ULK4: variants seen among roughly 807,000 people sequenced by gnomAD.
ULK4 encodes inactive serine/threonine-protein kinase ULK4.
In ULK4, 133 loss-of-function variants were observed where a neutral mutation model predicts 160.6. The observed-to-expected ratio is 0.83, with a 90% CI of 0.72 to 0.96. The LOEUF is 0.96. Among genes scored for constraint, ULK4 ranks in the 40% least tolerant of loss-of-function variants. The pLI is 0.00. For synonymous variants in ULK4, 534 were observed against 539.8 expected, an observed-to-expected ratio of 0.99 and a Z score of 0.15; for missense variants, 1,580 against 1,499.5, an observed-to-expected ratio of 1.05 and a Z score of -0.89.
chr3:41,865,937 T>C (rs1267771855), intron 17 of ULK4, among the ~76,000 whole-genome samples: 1 of 151,752 alleles, frequency 6.6e-6, no homozygotes, highest in African/African-American at 2.4e-5. Flanking sequence ...TTGGACTTCA[T>C]CAAAATTAAG....
chr3:41,930,713 T>G (rs567258902), intron 5 of ULK4, among the ~76,000 whole-genome samples: 3 of 152,244 alleles, frequency 2.0e-5, no homozygotes, highest in Admixed American at 6.5e-5. Context: ...ATAAGACATT[T>G]ATGCGGCCAA....
intron 32 of ULK4, among the ~76,000 whole-genome samples, chr3:41,544,046 T>G (rs796936461): frequency 1.3e-5 from 2 of 152,316 alleles, no homozygotes; most frequent in Non-Finnish European, 2.9e-5. Context: ...ATAGTTTGCC[T>G]TGCTTTTTTC....
chr3:41,517,666 T>C (rs763718749), intron 32 of ULK4, among the ~76,000 whole-genome samples: 6 of 152,210 alleles, frequency 3.9e-5, no homozygotes, highest in Non-Finnish European at 8.8e-5. Flanking sequence ...AATGGTGCCG[T>C]GACTAAAGCA....
intron 8 of ULK4, chr3:41,913,136 T>G: frequency 2.9e-6 from 1 of 340,482 alleles, no homozygotes; most frequent in South Asian, 9.5e-5. Flanking sequence ...TAACTAAGCA[T>G]TAGAAGTTTC....
At chr3:41,584,033 C>A (rs1369629249) in intron 31 of ULK4, among the ~76,000 whole-genome samples, 11 of 152,172 alleles carry the variant, frequency 7.2e-5, no homozygotes, top group Admixed American at 7.2e-4. Flanking sequence ...ACTGAAATCA[C>A]AATTCACTAA....
At chr3:41,858,811 C>CT (rs910234108) in intron 17 of ULK4, among the ~76,000 whole-genome samples, 1 of 145,070 alleles carries the variant, frequency 6.9e-6, no homozygotes, top group African/African-American at 2.6e-5. Flanking sequence ...GGCCCAAATT[C>CT]TTTTTTCCCC....
At chr3:41,898,727 C>T (rs1463561690) in intron 13 of ULK4, among the ~76,000 whole-genome samples, 1 of 152,146 alleles carries the variant, frequency 6.6e-6, no homozygotes, top group Non-Finnish European at 1.5e-5. Flanking sequence ...TCATAGAAAA[C>T]ATTCACTCCT....
At chr3:41,680,857 T>C (rs997864276) in intron 29 of ULK4, among the ~76,000 whole-genome samples, 12 of 152,218 alleles carry the variant, frequency 7.9e-5, no homozygotes, top group Non-Finnish European at 8.8e-5. Flanking sequence ...AATATTGACA[T>C]ATGGCATATA....
intron 34 of ULK4, among the ~76,000 whole-genome samples, chr3:41,401,122 A>G (rs1050888789): frequency 6.1e-4 from 65 of 106,734 alleles, no homozygotes; most frequent in Non-Finnish European, 8.9e-4. Flanking sequence ...TTTGAAGAGA[A>G]AAAAAAGTTA....
chr3:41,467,016 TATAA>T (rs1250247753), intron 32 of ULK4, among the ~76,000 whole-genome samples: 1 of 152,170 alleles, frequency 6.6e-6, no homozygotes, highest in Non-Finnish European at 1.5e-5. Context: ...CATACATACA[TATAA>T]ATAATTATAA....
At chr3:41,850,223 TG>T (rs2042176156) in intron 17 of ULK4, among the ~76,000 whole-genome samples, 1 of 152,214 alleles carries the variant, frequency 6.6e-6, no homozygotes, top group African/African-American at 2.4e-5. Flanking sequence ...GTGGGACATT[TG>T]GGTTGGTTCC....
intron 9 of ULK4, among the ~76,000 whole-genome samples, chr3:41,912,180 T>C (rs1279951745): frequency 6.6e-6 from 1 of 151,864 alleles, no homozygotes; most frequent in Non-Finnish European, 1.5e-5. Context: ...ATACAATAAA[T>C]AGCTGAGTGT....
In ULK4 at chr3:41,350,855, G is replaced by A. The variant is rs551111797; in HGVS notation, c.3678+47224C>T. Among the ~76,000 whole-genome samples, 8 of 152,274 alleles carry A rather than the reference G, an allele frequency of 5.3e-5. No individual in the cohort carries two copies. The South Asian group carries it at 1.7e-3, about 32-fold the overall frequency. Reference sequence around the variant, plus strand: ...TTGTCCTTCTGGAGACCAACCTTCAGGTTCTCTTCTTCCAGCACAGGGAAG... The same window carrying A: ...TTGTCCTTCTGGAGACCAACCTTCAAGTTCTCTTCTTCCAGCACAGGGAAG... On this transcript the variant is annotated intron_variant, in intron 35 of 36. Coordinates refer to ENST00000301831, the MANE Select transcript of ULK4 (RefSeq NM_017886.4).
intron 21 of ULK4, among the ~76,000 whole-genome samples, chr3:41,786,800 C>T (rs2040009847): frequency 6.6e-6 from 1 of 151,840 alleles, no homozygotes; most frequent in South Asian, 2.1e-4. Context: ...AGCCAAAAAC[C>T]CTGGACAATA....
intron 17 of ULK4, among the ~76,000 whole-genome samples, chr3:41,851,765 A>G (rs1000604791): frequency 1.3e-5 from 2 of 152,192 alleles, no homozygotes; most frequent in African/African-American, 2.4e-5. Flanking sequence ...AGGGAAATTT[A>G]TAGCACTAAA....
At chr3:41,558,785 G>C (rs370544793) in intron 32 of ULK4, among the ~76,000 whole-genome samples, 16 of 151,766 alleles carry the variant, frequency 1.1e-4, no homozygotes, top group Non-Finnish European at 2.2e-4. Context: ...AATTAGAACA[G>C]TGACTTGGTA....
At chr3:41,262,633 G>T (rs530737721) in intron 35 of ULK4, among the ~76,000 whole-genome samples, 1 of 152,240 alleles carries the variant, frequency 6.6e-6, no homozygotes, top group South Asian at 2.1e-4. Context: ...AACATGCGGA[G>T]GATTTGAATG....
At chr3:41,539,266 C>T (rs887501460) in intron 32 of ULK4, among the ~76,000 whole-genome samples, 11 of 151,952 alleles carry the variant, frequency 7.2e-5, no homozygotes, top group Non-Finnish European at 1.2e-4. Context: ...ATAAAACCAG[C>T]GATAATCAAT....
At chr3:41,388,891 G>C (rs1355009608) in intron 35 of ULK4, among the ~76,000 whole-genome samples, 6 of 152,250 alleles carry the variant, frequency 3.9e-5, no homozygotes, top group Non-Finnish European at 8.8e-5. Context: ...CTTGAAAGTA[G>C]TTTTTTCCAA....
Sources: allele counts gnomAD v4.1 joint callset (sites outside exome capture counted in the v4.1 genomes callset), GRCh38; gene constraint gnomAD v4.1.1; transcripts MANE v1.5; gene names NCBI Gene and HGNC (gene_info 2026-07-23, HGNC 2026-07-21).